PARD3B: variants seen among roughly 807,000 people sequenced by gnomAD.
PARD3B encodes the protein partitioning defective 3 homolog B.
A neutral mutation model predicts 130.2 loss-of-function variants in PARD3B; 103 were observed. The observed-to-expected ratio is 0.79, with a 90% CI of 0.67 to 0.93. PARD3B has a LOEUF of 0.93. Ranked by LOEUF, PARD3B falls within the 40% of genes least tolerant of loss-of-function variation. The pLI is 0.00. For missense variants in PARD3B, 1,609 were observed against 1,499.2 expected, an observed-to-expected ratio of 1.07 and a Z score of -1.21; for synonymous variants, 583 against 553.2, an observed-to-expected ratio of 1.05 and a Z score of -0.76.
At chr2:204,791,135 G>C (rs1186827641) in intron 2 of PARD3B, among the ~76,000 whole-genome samples, 1 of 141,094 alleles carries the variant, frequency 7.1e-6, no homozygotes, top group Non-Finnish European at 1.6e-5. Context: ...AAAAAAAAAT[G>C]CCTCTTCATG....
intron 1 of PARD3B, among the ~76,000 whole-genome samples, chr2:204,582,511 C>CA (rs397740567): frequency 3.3e-5 from 5 of 151,958 alleles, no homozygotes; most frequent in Non-Finnish European, 5.9e-5. Flanking sequence ...GTTCCCCCCC[C>CA]TCATTTCACA....
At chr2:204,948,985 AG>A (rs752221233) in intron 2 of PARD3B, among the ~76,000 whole-genome samples, 8 of 152,196 alleles carry the variant, frequency 5.3e-5, no homozygotes, top group Non-Finnish European at 8.8e-5. Context: ...GTACTTTCTG[AG>A]AAAATGCTGT....
intron 11 of PARD3B, among the ~76,000 whole-genome samples, chr2:205,169,807 TA>T (rs2035043082): frequency 6.6e-6 from 1 of 152,204 alleles, no homozygotes; most frequent in African/African-American, 2.4e-5. Flanking sequence ...AAACGATTTT[TA>T]GTAACAAGAT....
At chr2:205,255,140 C>A (rs1156852424) in intron 16 of PARD3B, among the ~76,000 whole-genome samples, 3 of 151,920 alleles carry the variant, frequency 2.0e-5, no homozygotes, top group Admixed American at 6.6e-5. Context: ...CCCAGCTGAA[C>A]TCTTGAAGAC....
At chr2:205,098,187 T>G (rs1452360060) in intron 4 of PARD3B, among the ~76,000 whole-genome samples, 1 of 152,230 alleles carries the variant, frequency 6.6e-6, no homozygotes, top group East Asian at 1.9e-4. Flanking sequence ...ATCCTCTCTG[T>G]ATAATGTTTC....
At chr2:204,773,804 C>T (rs1484148799) in intron 2 of PARD3B, among the ~76,000 whole-genome samples, 1 of 152,026 alleles carries the variant, frequency 6.6e-6, no homozygotes. Context: ...TTCTCTTCCA[C>T]GTACCCCGCT....
intron 1 of PARD3B, among the ~76,000 whole-genome samples, chr2:204,556,698 C>A (rs1165721099): frequency 2.0e-5 from 3 of 152,074 alleles, no homozygotes; most frequent in African/African-American, 7.2e-5. Context: ...TTCATGCTGT[C>A]TTAATGTAGC....
At chr2:204,773,113 TTAAC>T (rs1175701145) in intron 2 of PARD3B, among the ~76,000 whole-genome samples, 3 of 152,132 alleles carry the variant, frequency 2.0e-5, no homozygotes, top group Admixed American at 1.3e-4. Flanking sequence ...TTTGAAGTAT[TTAAC>T]AAACTGGTAA....
intron 22 of PARD3B, among the ~76,000 whole-genome samples, chr2:205,576,338 T>C (rs1166006575): frequency 6.6e-6 from 1 of 151,996 alleles, no homozygotes; most frequent in Non-Finnish European, 1.5e-5. Context: ...TTTCATGGAT[T>C]GTGACTTTGA....
rs1194548990 is a variant in PARD3B, at chr2:204,675,899, T to A, written c.121-10282T>A. Among the ~76,000 whole-genome samples, 3 of 152,220 alleles carry A rather than the reference T, an allele frequency of 2.0e-5. No homozygotes were observed. Among genetic ancestry groups the A allele is most frequent in the African/African-American group, 7.2e-5 (3 of 41,462 alleles). ...TTGGTGCTTTTATATTGCAATTATTTTGTTTAGAATTATACATCAGAAGAA... is the reference window on the plus strand; with the variant it reads ...TTGGTGCTTTTATATTGCAATTATTATGTTTAGAATTATACATCAGAAGAA... On this transcript the variant is annotated intron_variant, in intron 1 of 22. Coordinates refer to ENST00000406610, the MANE Select transcript of PARD3B (RefSeq NM_001302769.2). The surrounding 1 kb of genome is among the most constrained non-coding windows in gnomAD (Gnocchi z 4.4).
intron 2 of PARD3B, among the ~76,000 whole-genome samples, chr2:204,902,583 G>A (rs1195050166): frequency 6.6e-6 from 1 of 150,676 alleles, no homozygotes; most frequent in Admixed American, 6.6e-5. Flanking sequence ...GCAGGAGAAT[G>A]GCGTGAACCC....
intron 21 of PARD3B, among the ~76,000 whole-genome samples, chr2:205,533,029 A>AT (rs540251378): frequency 2.7e-3 from 404 of 152,304 alleles, no homozygotes; most frequent in African/African-American, 9.3e-3. Flanking sequence ...ATGGAGCTTT[A>AT]TTAAAAACCA....
At position 205,300,750 on chromosome 2, in the gene PARD3B, CT is replaced by C. The variant is rs1297315141; in HGVS notation, c.2392+16del. ...AAATAGAAGCTGGTAGGATGATATG[CT>C]TCCTTAAATGGCTTCTTCATCTCAT... On this transcript the variant is annotated intron_variant, in intron 17 of 22. Transcript: ENST00000406610. The surrounding 1 kb of genome is among the most constrained non-coding windows in gnomAD (Gnocchi z 4.1). 1.2e-6 allele frequency: 2 copies of C among 1,600,104 alleles called. No homozygotes were observed. Among genetic ancestry groups the C allele is most frequent in the Non-Finnish European group, 1.7e-6 (2 of 1,168,704 alleles).
At chr2:205,099,834 A>G (rs1022124273) in intron 4 of PARD3B, among the ~76,000 whole-genome samples, 4 of 152,188 alleles carry the variant, frequency 2.6e-5, no homozygotes, top group Non-Finnish European at 4.4e-5. Context: ...ATGATAAACT[A>G]TAGTTACTAC....
rs150959162 is a variant in PARD3B at position 205,155,910 on chromosome 2, G to A, written c.1435-2812G>A. ...GATGGGGTTGTTTGTTTTTTTCTTG[G>A]GTAATGTACCCAAAGGACTATAAAT... On this transcript the variant is annotated intron_variant, in intron 10 of 22. Coordinates refer to ENST00000406610, the MANE Select transcript of PARD3B (RefSeq NM_001302769.2). 5.5e-3 allele frequency among the ~76,000 whole-genome samples: 837 copies of A among 151,720 alleles called. 7 individuals are homozygous for A. The highest frequency in any genetic ancestry group is 0.019 in the African/African-American group (783 of 41,376).
intron 16 of PARD3B, among the ~76,000 whole-genome samples, chr2:205,250,020 A>T (rs2039771819): frequency 6.6e-6 from 1 of 151,742 alleles, no homozygotes; most frequent in African/African-American, 2.4e-5. Context: ...GAACATTAGG[A>T]TCCAGAGAAA....
intron 10 of PARD3B, among the ~76,000 whole-genome samples, chr2:205,134,578 A>G (rs2032309192): frequency 6.6e-6 from 1 of 152,112 alleles, no homozygotes; most frequent in Non-Finnish European, 1.5e-5. Context: ...ACTGAGGTAA[A>G]TGCTGTACCT....
rs1283439833 is a variant in PARD3B at position 205,421,174 on chromosome 2, G to A, written c.2742-19196G>A. ...ACAAAAAAAACGGAAAAGAAAATAT[G>A]TGCTGTATATTGGGAGATGATAAGA... On this transcript the variant is annotated intron_variant, in intron 19 of 22. Coordinates refer to ENST00000406610, the MANE Select transcript of PARD3B (RefSeq NM_001302769.2). The surrounding 1 kb of genome is among the most constrained non-coding windows in gnomAD (Gnocchi z 5.1). Among the ~76,000 whole-genome samples the A allele has an allele frequency of 1.5e-4, 23 of 151,978 alleles. No individual in the cohort carries two copies. Among genetic ancestry groups the A allele is most frequent in the Admixed American group, 1.5e-3 (23 of 15,238 alleles).
At chr2:204,738,923 CA>C (rs2039876765) in intron 2 of PARD3B, among the ~76,000 whole-genome samples, 1 of 152,124 alleles carries the variant, frequency 6.6e-6, no homozygotes, top group Non-Finnish European at 1.5e-5. Context: ...TATCATATAA[CA>C]TAAAATAATT....
Sources: gnomAD v4.1 joint callset for allele counts (sites outside exome capture counted in the v4.1 genomes callset) on GRCh38, gnomAD v4.1.1 for gene constraint, Gnocchi (gnomAD v3.1) non-coding constraint, MANE v1.5 for transcripts, NCBI Gene and HGNC (gene_info 2026-07-23, HGNC 2026-07-21) for gene names.